MYO3B: variants seen among roughly 807,000 people sequenced by gnomAD.
The protein encoded by MYO3B is myosin-IIIb.
In MYO3B, 156 loss-of-function variants were observed where a neutral mutation model predicts 174.6. That is an observed-to-expected ratio of 0.89 (90% CI 0.78 to 1.02). The LOEUF is 1.02. Ranked by LOEUF, MYO3B falls within the 50% of genes least tolerant of loss-of-function variation. The probability of loss-of-function intolerance (pLI) is 0.00; values close to 1 mark genes in which losing one functional copy is unlikely to be tolerated. For synonymous variants in MYO3B, 563 were observed against 569.1 expected (o/e 0.99, Z 0.15); for missense variants, 1,632 against 1,639.4 (o/e 1.00, Z 0.08).
chr2:170,327,110 G>A (rs2093873460), intron 7 of MYO3B, among the ~76,000 whole-genome samples: 1 of 152,188 alleles, frequency 6.6e-6, no homozygotes, highest in African/African-American at 2.4e-5. Context: ...AACAAGGCTG[G>A]GTGTGGTGGC....
chr2:170,614,706 C>A (rs1695334742), intron 32 of MYO3B, among the ~76,000 whole-genome samples: 1 of 152,204 alleles, frequency 6.6e-6, no homozygotes, highest in Non-Finnish European at 1.5e-5. Flanking sequence ...CAAAGCCCAG[C>A]ATCTATAGCA....
chr2:170,469,751 T>G (rs909421496), intron 25 of MYO3B, among the ~76,000 whole-genome samples: 17 of 152,132 alleles, frequency 1.1e-4, no homozygotes, highest in Non-Finnish European at 1.9e-4. Context: ...AGCCCTTTTG[T>G]TATTATTAAC....
At chr2:170,474,095 C>T (rs1282663961) in intron 25 of MYO3B, among the ~76,000 whole-genome samples, 2 of 152,162 alleles carry the variant, frequency 1.3e-5, no homozygotes, top group African/African-American at 4.8e-5. Context: ...TTTACCAAGC[C>T]AGTGTCTTTT....
At chr2:170,389,793 C>T (rs1457175681) in intron 14 of MYO3B, among the ~76,000 whole-genome samples, 5 of 152,166 alleles carry the variant, frequency 3.3e-5, no homozygotes, top group African/African-American at 1.2e-4. Flanking sequence ...GGTTTCTTTC[C>T]GTCACCATCC....
chr2:170,294,567 A>C (rs1457145428), intron 7 of MYO3B, among the ~76,000 whole-genome samples: 1 of 152,106 alleles, frequency 6.6e-6, no homozygotes, highest in Non-Finnish European at 1.5e-5. Context: ...GATCCAGTTC[A>C]TGTTCAATTT....
intron 9 of MYO3B, among the ~76,000 whole-genome samples, chr2:170,377,550 C>T (rs2094303869): frequency 6.6e-6 from 1 of 152,164 alleles, no homozygotes; most frequent in Non-Finnish European, 1.5e-5. Flanking sequence ...CCAGTTTCCC[C>T]TTTACCTGAT....
chr2:170,463,561 G>C (rs1175179607), intron 24 of MYO3B, 116 bp downstream of exon 24: 3 of 905,806 alleles, frequency 3.3e-6, no homozygotes, highest in Admixed American at 4.7e-5. Flanking sequence ...AGTCAAGAAA[G>C]ATTGGGTTGG....
chr2:170,501,733 T>C, intron 27 of MYO3B, 52 bp from the exon 28 acceptor site: 1 of 1,257,984 alleles, frequency 7.9e-7, no homozygotes, highest in East Asian at 2.3e-5. Flanking sequence ...ATCAATTCTC[T>C]GGCACGTTCT....
intron 6 of MYO3B, among the ~76,000 whole-genome samples, chr2:170,229,692 T>C (rs536532004): frequency 1.3e-5 from 2 of 152,342 alleles, no homozygotes; most frequent in Non-Finnish European, 2.9e-5. Context: ...TTTAACTATT[T>C]TATTAGAGAA....
In MYO3B at chr2:170,484,020, C is replaced by T. The variant is rs116646925; in HGVS notation, c.3015-14572C>T. 5.1e-3 allele frequency among the ~76,000 whole-genome samples: 782 copies of T among 152,210 alleles called. 2 individuals are homozygous for T. Among genetic ancestry groups the T allele is most frequent in the African/African-American group, 0.018 (730 of 41,524 alleles). ...GTAAATATCTGCCTACCCCTGAGCA[C>T]GATGGTTTAGGGATGACTTACAGAA... On this transcript the variant is annotated intron_variant, in intron 25 of 34. Transcript: ENST00000408978.
chr2:170,519,401 C>G, intron 29 of MYO3B, 37 bp from the exon 30 acceptor site: 6 of 1,574,532 alleles, frequency 3.8e-6, no homozygotes, highest in Non-Finnish European at 5.2e-6. Context: ...CTACCTACTT[C>G]TGAACATATG....
intron 30 of MYO3B, among the ~76,000 whole-genome samples, chr2:170,538,629 A>G (rs1478172407): frequency 2.0e-5 from 3 of 152,128 alleles, no homozygotes; most frequent in Non-Finnish European, 4.4e-5. Context: ...AAGGAATTAG[A>G]TGTGAGTTTT....
At chr2:170,217,460 T>C in intron 6 of MYO3B, 65 bp downstream of exon 6, 4 of 1,358,600 alleles carry the variant, frequency 2.9e-6, no homozygotes, top group Non-Finnish European at 3.2e-6. Flanking sequence ...TGCCTTTTTA[T>C]GGGTAAGTCA....
chr2:170,501,725 C>A, intron 27 of MYO3B, 60 bp from the exon 28 acceptor site: 1 of 1,171,910 alleles, frequency 8.5e-7, no homozygotes, highest in South Asian at 1.3e-5. Flanking sequence ...CAGCTTATAT[C>A]AATTCTCTGG....
At chr2:170,492,933 T>G in intron 25 of MYO3B, among the ~76,000 whole-genome samples, 1 of 152,246 alleles carries the variant, frequency 6.6e-6, no homozygotes, top group Non-Finnish European at 1.5e-5. Flanking sequence ...ACAAAGTCTC[T>G]GTTTCTCTAC....
intron 7 of MYO3B, among the ~76,000 whole-genome samples, chr2:170,276,794 A>G (rs1452260068): frequency 6.6e-5 from 10 of 152,166 alleles, no homozygotes; most frequent in Non-Finnish European, 4.4e-5. Context: ...TCAGCAGCAG[A>G]AAAAGAATCA....
intron 25 of MYO3B, among the ~76,000 whole-genome samples, chr2:170,477,289 T>TGAAGGCTGCCTGGACTC (rs1685377033): frequency 1.3e-5 from 2 of 152,290 alleles, no homozygotes; most frequent in Admixed American, 6.5e-5. Flanking sequence ...ACCTTCTCTA[T>TGAAGGCTGCCTGGACTC]GAAGGCTGCC....
chr2:170,343,077 A>C (rs896200569), intron 8 of MYO3B, among the ~76,000 whole-genome samples: 12 of 108,296 alleles, frequency 1.1e-4, no homozygotes, highest in Non-Finnish European at 1.4e-4. Context: ...ACACACACAC[A>C]CCCCTCTCCA....
At chr2:170,622,798 C>T (rs1696051715) in intron 32 of MYO3B, among the ~76,000 whole-genome samples, 2 of 94,988 alleles carry the variant, frequency 2.1e-5, no homozygotes, top group Admixed American at 1.2e-4. Flanking sequence ...GTTCAATTCC[C>T]ACCTATGAGT....
Sources: gnomAD v4.1 joint callset for allele counts (sites outside exome capture counted in the v4.1 genomes callset) on GRCh38, gnomAD v4.1.1 for gene constraint, MANE v1.5 for transcripts, NCBI Gene and HGNC (gene_info 2026-07-23, HGNC 2026-07-21) for gene names.